Variants in FGD3 observed in about 807,000 individuals in gnomAD.
FGD3 encodes FYVE, RhoGEF and PH domain containing 3, also known as FYVE, RhoGEF and PH domain-containing protein 3.
In FGD3, 45 loss-of-function variants were observed where a neutral mutation model predicts 71.8. The observed-to-expected ratio is 0.63, with a 90% CI of 0.49 to 0.80. FGD3 has a LOEUF of 0.80. Ranked by LOEUF, FGD3 falls within the 30% of genes least tolerant of loss-of-function variation. FGD3 has a pLI of 0.00. For missense variants in FGD3, 844 were observed against 951.5 expected, an observed-to-expected ratio of 0.89 and a Z score of 1.49; for synonymous variants, 378 against 392.8, an observed-to-expected ratio of 0.96 and a Z score of 0.44.
intron 14 of FGD3, among the ~76,000 whole-genome samples, chr9:93,023,396 G>A (rs1263263327): frequency 6.6e-6 from 1 of 152,228 alleles, no homozygotes; most frequent in Non-Finnish European, 1.5e-5. Flanking sequence ...GACGGAGTGT[G>A]GAGGCGTGGG....
chr9:92,991,004 TTATAGG>T (rs1196543190), intron 3 of FGD3, among the ~76,000 whole-genome samples: 1 of 152,222 alleles, frequency 6.6e-6, no homozygotes, highest in Non-Finnish European at 1.5e-5. Flanking sequence ...CAATTGTTCT[TTATAGG>T]TTCAGTAGAA....
At chr9:93,009,461 C>A (rs1861210424) in intron 6 of FGD3, among the ~76,000 whole-genome samples, 1 of 152,152 alleles carries the variant, frequency 6.6e-6, no homozygotes, top group Non-Finnish European at 1.5e-5. Flanking sequence ...CCTTGAGTTG[C>A]TGGCAGGTGG....
intron 8 of FGD3, among the ~76,000 whole-genome samples, chr9:93,012,684 T>TTGCGGG (rs1861464567): frequency 2.2e-5 from 1 of 46,410 alleles, no homozygotes; most frequent in Non-Finnish European, 3.6e-5. Flanking sequence ...GTGTGGGCGG[T>TTGCGGG]GGCGGGGTGT....
intron 14 of FGD3, among the ~76,000 whole-genome samples, chr9:93,025,509 C>T (rs1862084441): frequency 6.6e-6 from 1 of 151,968 alleles, no homozygotes; most frequent in Admixed American, 6.6e-5. Context: ...GCTCAGTGTG[C>T]GTTTTACAAA....
chr9:92,984,982 T>C (rs1240976785), intron 3 of FGD3, among the ~76,000 whole-genome samples: 3 of 152,196 alleles, frequency 2.0e-5, no homozygotes, highest in African/African-American at 4.8e-5. Flanking sequence ...GTCCTGCTAG[T>C]GCCAATGTCT....
chr9:92,994,149 A>T (rs138105661), intron 3 of FGD3, among the ~76,000 whole-genome samples: 4,740 of 151,226 alleles, frequency 0.031, 265 homozygotes, highest in African/African-American at 0.11. Context: ...CTTTTTAATG[A>T]TTGCCATTCT....
At chr9:93,023,723 A>G (rs906625562) in intron 14 of FGD3, among the ~76,000 whole-genome samples, 2 of 150,920 alleles carry the variant, frequency 1.3e-5, no homozygotes, top group Non-Finnish European at 1.5e-5. Flanking sequence ...GTCCAAGTCT[A>G]TGAAGCCCTG....
At chr9:93,026,362 A>G (rs1862112993) in intron 14 of FGD3, among the ~76,000 whole-genome samples, 1 of 152,016 alleles carries the variant, frequency 6.6e-6, no homozygotes. Context: ...CCTGCGTGGT[A>G]ACTTCATTCA....
At chr9:92,962,027 T>G (rs1356330773) in intron 1 of FGD3, among the ~76,000 whole-genome samples, 2 of 152,226 alleles carry the variant, frequency 1.3e-5, no homozygotes, top group Non-Finnish European at 2.9e-5. Context: ...CAGCATTTGA[T>G]GATCACTGGG....
At chr9:92,981,170 C>A (rs922038568) in intron 3 of FGD3, among the ~76,000 whole-genome samples, 1 of 150,532 alleles carries the variant, frequency 6.6e-6, no homozygotes, top group African/African-American at 2.4e-5. Context: ...AGATCGAGAC[C>A]ATCCTGGCTA....
chr9:92,965,087 G>T (rs1032282106), intron 1 of FGD3, among the ~76,000 whole-genome samples: 1 of 152,208 alleles, frequency 6.6e-6, no homozygotes, highest in African/African-American at 2.4e-5. Context: ...TGGACTGATG[G>T]CAGGGTCCCA....
chr9:93,012,463 C>T (rs989064690), intron 8 of FGD3, among the ~76,000 whole-genome samples: 1 of 152,116 alleles, frequency 6.6e-6, no homozygotes, highest in African/African-American at 2.4e-5. Flanking sequence ...CCCTAAATGG[C>T]CTGAGCCCAT....
intron 14 of FGD3, among the ~76,000 whole-genome samples, chr9:93,028,488 A>T (rs1862222267): frequency 6.6e-6 from 1 of 151,882 alleles, no homozygotes; most frequent in Non-Finnish European, 1.5e-5. Flanking sequence ...TCTTCTTAAC[A>T]GTGGTTTCGG....
intron 10 of FGD3, among the ~76,000 whole-genome samples, chr9:93,016,921 A>G (rs1861723458): frequency 6.6e-6 from 1 of 152,074 alleles, no homozygotes; most frequent in South Asian, 2.1e-4. Flanking sequence ...GTGCCCAGCC[A>G]TGACCGATTT....
intron 3 of FGD3, among the ~76,000 whole-genome samples, chr9:92,978,231 G>A (rs1859841975): frequency 2.1e-5 from 3 of 141,766 alleles, no homozygotes; most frequent in East Asian, 2.1e-4. Flanking sequence ...GCGGTGAGCC[G>A]ATATCACACC....
At chr9:92,968,275 AGG>A (rs1859405798) in intron 1 of FGD3, among the ~76,000 whole-genome samples, 1 of 152,178 alleles carries the variant, frequency 6.6e-6, no homozygotes, top group Admixed American at 6.5e-5. Flanking sequence ...TAACTTGTTA[AGG>A]TGGCGGTGTG....
chr9:92,960,885 C>T (rs1859156209), intron 1 of FGD3, among the ~76,000 whole-genome samples: 1 of 152,064 alleles, frequency 6.6e-6, no homozygotes, highest in African/African-American at 2.4e-5. Flanking sequence ...CCCCGGGCCT[C>T]TCTCCTGGTG....
At chr9:92,955,167 C>T (rs145368593) in intron 1 of FGD3, among the ~76,000 whole-genome samples, 321 of 152,250 alleles carry the variant, frequency 2.1e-3, no homozygotes, top group Admixed American at 5.0e-3. Flanking sequence ...AGGTTCCAGC[C>T]GGGCCAACTC....
intron 1 of FGD3, among the ~76,000 whole-genome samples, chr9:92,963,361 G>A (rs537945041): frequency 7.9e-5 from 12 of 152,160 alleles, no homozygotes; most frequent in South Asian, 4.1e-4. Context: ...GTGCAGTGGC[G>A]CAATCTCAGT....
Sources: gnomAD v4.1 joint callset for allele counts (sites outside exome capture counted in the v4.1 genomes callset) on GRCh38, gnomAD v4.1.1 for gene constraint, MANE v1.5 for transcripts, NCBI Gene and HGNC (gene_info 2026-07-23, HGNC 2026-07-21) for gene names.